CA10: variants seen among roughly 807,000 people sequenced by gnomAD.
CA10 encodes the protein carbonic anhydrase-related protein 10.
A neutral mutation model predicts 44.2 loss-of-function variants in CA10; 14 were observed. The ratio of observed to expected loss-of-function variants is 0.32; its 90% CI spans 0.21 to 0.50. The LOEUF is 0.50. Among genes scored for constraint, CA10 ranks in the 20% least tolerant of loss-of-function variants. The probability of loss-of-function intolerance (pLI) is 0.99; values close to 1 mark genes in which losing one functional copy is unlikely to be tolerated. For missense variants in CA10, 350 were observed against 409.7 expected (o/e 0.85, Z 1.26); for synonymous variants, 159 against 141.6 (o/e 1.12, Z -0.87).
intron 2 of CA10, among the ~76,000 whole-genome samples, chr17:52,016,201 G>T (rs533783615): frequency 1.3e-5 from 2 of 152,190 alleles, no homozygotes; most frequent in South Asian, 2.1e-4. Flanking sequence ...CATCCAGAGT[G>T]CTTTGTAGCC....
chr17:51,932,519 A>T (rs1016564614), intron 2 of CA10, among the ~76,000 whole-genome samples: 1 of 152,188 alleles, frequency 6.6e-6, no homozygotes, highest in East Asian at 1.9e-4. Context: ...CAAACACTTC[A>T]ACATCAAAAT....
At chr17:51,847,602 C>T (rs78040641) in intron 3 of CA10, among the ~76,000 whole-genome samples, 2,010 of 152,218 alleles carry the variant, frequency 0.013, 22 homozygotes, top group Non-Finnish European at 0.022. Flanking sequence ...GAGCACCTTA[C>T]AATTGCTGTC....
At chr17:51,974,489 T>C (rs558312361) in intron 2 of CA10, among the ~76,000 whole-genome samples, 107 of 146,186 alleles carry the variant, frequency 7.3e-4, no homozygotes, top group African/African-American at 2.5e-3. Flanking sequence ...AAAGGAGTCA[T>C]ACAAACTAAA....
chr17:51,783,355 A>G (rs1325659706), intron 3 of CA10, among the ~76,000 whole-genome samples: 2 of 152,250 alleles, frequency 1.3e-5, no homozygotes, highest in Non-Finnish European at 2.9e-5. Context: ...TGAATTAATT[A>G]CATGGTACTT....
chr17:51,890,554 G>T (rs2143908270), intron 3 of CA10, among the ~76,000 whole-genome samples: 1 of 152,106 alleles, frequency 6.6e-6, no homozygotes, highest in South Asian at 2.1e-4. Context: ...TAATAGTTAT[G>T]GTGTACCTGT....
At chr17:51,999,931 G>A (rs1381678830) in intron 2 of CA10, among the ~76,000 whole-genome samples, 4 of 151,898 alleles carry the variant, frequency 2.6e-5, no homozygotes, top group Non-Finnish European at 4.4e-5. Context: ...TCTGCTTCTC[G>A]GATCAAACTC....
chr17:52,039,782 T>C (rs528796535), intron 2 of CA10, among the ~76,000 whole-genome samples: 2 of 152,212 alleles, frequency 1.3e-5, no homozygotes, highest in African/African-American at 4.8e-5. Flanking sequence ...GGGTAGTACA[T>C]TAAGAGGGTC....
chr17:51,700,500 T>C (rs547814801), intron 4 of CA10, among the ~76,000 whole-genome samples: 4 of 152,156 alleles, frequency 2.6e-5, no homozygotes, highest in Non-Finnish European at 5.9e-5. Flanking sequence ...CACAGTTCCA[T>C]GGGCCTCCAC....
chr17:51,838,196 A>G (rs1567856759), intron 3 of CA10, among the ~76,000 whole-genome samples: 1 of 152,240 alleles, frequency 6.6e-6, no homozygotes, highest in Non-Finnish European at 1.5e-5. Context: ...CTAAGTCAAC[A>G]GAAGAAGCAA....
chr17:51,890,695 CA>C (rs1207254097), intron 3 of CA10, among the ~76,000 whole-genome samples: 1 of 152,148 alleles, frequency 6.6e-6, no homozygotes, highest in Non-Finnish European at 1.5e-5. Flanking sequence ...ACCATAGTTT[CA>C]AACCCGTAAA....
intron 2 of CA10, among the ~76,000 whole-genome samples, chr17:52,023,159 A>G (rs1986195238): frequency 6.6e-6 from 1 of 152,090 alleles, no homozygotes; most frequent in Non-Finnish European, 1.5e-5. Flanking sequence ...AAACGATCCT[A>G]AGCAAAAATA....
At chr17:52,092,460 G>A (rs888714155) in intron 1 of CA10, among the ~76,000 whole-genome samples, 1 of 152,166 alleles carries the variant, frequency 6.6e-6, no homozygotes, top group Non-Finnish European at 1.5e-5. Context: ...GTTCGGTAAT[G>A]AGTCCCCGTG....
At position 51,721,427 on chromosome 17, in the gene CA10, T is replaced by C. The variant is rs919938488; in HGVS notation, c.465+26206A>G. 7.9e-5 allele frequency among the ~76,000 whole-genome samples: 12 copies of C among 152,094 alleles called. 1 individual carries two copies. In the South Asian group the frequency reaches 2.3e-3, roughly 29 times the overall value. On this transcript the variant is annotated intron_variant, in intron 4 of 8. Coordinates refer to ENST00000451037, the MANE Select transcript of CA10 (RefSeq NM_020178.5). ...GTGGCTCACTGCAACCTCTACCTCC[T>C]AGGTTCAGGTGATTCTCCTGCCTCA...
At chr17:52,074,473 G>C (rs1221663049) in intron 1 of CA10, among the ~76,000 whole-genome samples, 3 of 152,146 alleles carry the variant, frequency 2.0e-5, no homozygotes. Flanking sequence ...GTTTTATCCA[G>C]TCAGGATTAC....
chr17:52,159,677 ACCAC>A, upstream of CA10: 1 of 152,058 alleles, frequency 6.6e-6, no homozygotes, highest in Non-Finnish European at 1.5e-5. Flanking sequence ...CGGCGCGAGC[ACCAC>A]CCACCCACCC....
At chr17:52,081,539 G>A (rs1192281870) in intron 1 of CA10, among the ~76,000 whole-genome samples, 3 of 152,108 alleles carry the variant, frequency 2.0e-5, no homozygotes, top group African/African-American at 7.2e-5. Flanking sequence ...GGTGGCTCAC[G>A]CCTGTAGTCC....
chr17:51,701,405 C>G (rs1282309177), intron 4 of CA10, among the ~76,000 whole-genome samples: 1 of 152,152 alleles, frequency 6.6e-6, no homozygotes, highest in African/African-American at 2.4e-5. Context: ...AATAAGGTCA[C>G]GTTCAGAGGT....
intron 3 of CA10, among the ~76,000 whole-genome samples, chr17:51,805,859 C>T (rs1376793674): frequency 6.6e-6 from 1 of 152,086 alleles, no homozygotes; most frequent in African/African-American, 2.4e-5. Flanking sequence ...TTGGTGTAGT[C>T]TGGATTGAGG....
chr17:52,042,585 CAGA>C (rs1213096777), intron 2 of CA10, among the ~76,000 whole-genome samples: 1 of 151,428 alleles, frequency 6.6e-6, no homozygotes, highest in Non-Finnish European at 1.5e-5. Flanking sequence ...CTTTGTTGTT[CAGA>C]AGATTTTAGT....
Sources: gnomAD v4.1 joint callset for allele counts (sites outside exome capture counted in the v4.1 genomes callset) on GRCh38, gnomAD v4.1.1 for gene constraint, MANE v1.5 for transcripts, NCBI Gene and HGNC (gene_info 2026-07-23, HGNC 2026-07-21) for gene names.